Variants in SRP19 observed in about 807,000 individuals in gnomAD.
SRP19 encodes signal recognition particle 19 kDa protein.
SRP19 carries 11 observed loss-of-function variants against 22.4 expected under a neutral mutation model. The ratio of observed to expected loss-of-function variants is 0.49; its 90% CI spans 0.31 to 0.81. The LOEUF is 0.81. Ranked by LOEUF, SRP19 falls within the 40% of genes least tolerant of loss-of-function variation. SRP19 has a pLI of 0.05. For missense variants in SRP19, 168 were observed against 175.9 expected (o/e 0.96, Z 0.25); for synonymous variants, 61 against 57.6 (o/e 1.06, Z -0.27).
intron 4 of SRP19, among the ~76,000 whole-genome samples, chr5:112,865,724 G>T (rs1006094276): frequency 6.6e-6 from 1 of 151,970 alleles, no homozygotes; most frequent in Non-Finnish European, 1.5e-5. Context: ...CTCCCAAGTA[G>T]CTGGGACTAC....
intron 1 of SRP19, 192 bp from the exon 2 acceptor site, chr5:112,862,316 T>G: frequency 1.6e-6 from 1 of 637,400 alleles, no homozygotes; most frequent in Non-Finnish European, 2.8e-6. Flanking sequence ...GCCAGTCTGA[T>G]TAGTTGCTCG....
Position 112,862,490 on chromosome 5 carries a change from T to C in SRP19, c.42-18T>C, listed in dbSNP as rs371808334. The stretch of plus-strand genomic sequence containing the variant: ...CTTACTGCTCTAGTGATACCACTTA[T>C]GCTATTGTCTATGGCAGGTTTATTT... On this transcript the variant is annotated intron_variant, in intron 1 of 4. Transcript: ENST00000505459. 3.0e-5 allele frequency: 49 copies of C among 1,611,110 alleles called. No individual in the cohort carries two copies. The highest frequency in any genetic ancestry group is 3.9e-5 in the Non-Finnish European group (46 of 1,177,396).
At chr5:112,867,020 T>C (rs1440580490) in intron 4 of SRP19, among the ~76,000 whole-genome samples, 1 of 152,162 alleles carries the variant, frequency 6.6e-6, no homozygotes, top group Admixed American at 6.6e-5. Context: ...TGTTTTTTTG[T>C]TGTAAGACTG....
rs537582766 is a variant in SRP19 at position 112,877,171 on chromosome 5, A to G, written c.301+12439A>G. The G allele has an allele frequency of 2.0e-5, 3 of 152,274 alleles. No individual in the cohort carries two copies. The East Asian group carries it at 5.8e-4, about 29-fold the overall frequency. The allele number at this position is 152,274 out of a possible 1,614,324, so 9.4% of individuals were successfully genotyped here. A position where few individuals can be genotyped will look rare whatever the true frequency, so the allele number is the denominator to read the frequency against. ...TAATCACCACTGTTTTCCTCCCCAA[A>G]ATAAATGCTCTGATCCATATTATAT... On this transcript the variant is annotated intron_variant, in intron 4 of 4. Transcript: ENST00000391338.
At chr5:112,872,954 T>G (rs1400867646), downstream of SRP19, among the ~76,000 whole-genome samples, 1 of 152,176 alleles carries the variant, frequency 6.6e-6, no homozygotes, top group Non-Finnish European at 1.5e-5. Context: ...TCATTTTGTT[T>G]AAGGAATTCA....
chr5:112,892,661 A>G (rs1368729139), exon 5 of SRP19: 12 of 1,614,022 alleles, frequency 7.4e-6, no homozygotes, highest in Non-Finnish European at 1.0e-5. Flanking sequence ...AGAAATCCCA[A>G]CAATGAATTC....
intron 4 of SRP19, among the ~76,000 whole-genome samples, chr5:112,866,846 C>T (rs1767621866): frequency 6.6e-6 from 1 of 152,146 alleles, no homozygotes; most frequent in African/African-American, 2.4e-5. Flanking sequence ...CATGTCACTT[C>T]CTATTTCCAG....
chr5:112,881,979 T>A (rs1463757835), intron 4 of SRP19: 1 of 151,748 alleles, frequency 6.6e-6, no homozygotes, highest in East Asian at 1.9e-4. Context: ...ACCATGTTAC[T>A]CAGGCTGGTC....
downstream of SRP19, among the ~76,000 whole-genome samples, chr5:112,872,808 T>C (rs546972915): frequency 1.3e-5 from 2 of 152,308 alleles, no homozygotes; most frequent in African/African-American, 4.8e-5. Flanking sequence ...GTTACTGCTT[T>C]GTTTTGTATA....
chr5:112,865,364 T>C (rs1474666653), intron 4 of SRP19: 3 of 152,182 alleles, frequency 2.0e-5, no homozygotes, highest in African/African-American at 7.2e-5. Flanking sequence ...TCTAGTGTTT[T>C]ATTTTATGAA....
chr5:112,887,768 T>C (rs1198891633), intron 4 of SRP19, among the ~76,000 whole-genome samples: 1 of 152,220 alleles, frequency 6.6e-6, no homozygotes, highest in South Asian at 2.1e-4. Flanking sequence ...ACTCCTTCTT[T>C]ACAGCTCTAC....
intron 4 of SRP19, chr5:112,876,804 C>G (rs908894318): frequency 1.3e-5 from 2 of 151,970 alleles, no homozygotes; most frequent in African/African-American, 2.4e-5. Context: ...CAACAGTTAA[C>G]TTAAATTTTG....
chr5:112,893,504 T>A (rs778945470), downstream of SRP19: 22 of 155,952 alleles, frequency 1.4e-4, no homozygotes, highest in Non-Finnish European at 2.8e-4. Context: ...ATCTCCATGT[T>A]ATGATTTTAA....
Position 112,866,893 on chromosome 5 carries a change from T to A in SRP19, c.302-511T>A, listed in dbSNP as rs974498987. ...TAAGATAGTAAAAAGAAAGCAGAGC[T>A]GAGGAACTTGGTCTGTTGGGGGTGA... is the stretch of plus-strand genomic sequence containing the variant. On this transcript the variant is annotated intron_variant, in intron 4 of 4. Transcript: ENST00000505459. Among the ~76,000 whole-genome samples, 12 of 152,188 alleles carry A rather than the reference T, an allele frequency of 7.9e-5. 1 individual carries two copies. The highest frequency in any genetic ancestry group is 7.9e-4 in the Admixed American group (12 of 15,282).
Position 112,867,953 on chromosome 5 carries a change from A to G in SRP19, c.*416A>G. The G allele has an allele frequency of 1.0e-6, 1 of 987,484 alleles. No individual in the cohort carries two copies. The highest frequency in any genetic ancestry group is 1.2e-6 in the Non-Finnish European group (1 of 831,028). 61.2% of individuals were successfully genotyped at this position (987,484 alleles called of 1,614,324 possible). A position where few individuals can be genotyped will look rare whatever the true frequency, so the allele number is the denominator to read the frequency against. The stretch of plus-strand genomic sequence containing the variant: ...ATACTAATGCTAGGAGAGGAGGGAT[A>G]ATTAAGAATAAAATATGTAGTGAAA... On this transcript the variant is annotated 3_prime_UTR_variant, in exon 5 of 5. Coordinates refer to ENST00000505459, the MANE Select transcript of SRP19 (RefSeq NM_003135.3).
intron 4 of SRP19, among the ~76,000 whole-genome samples, chr5:112,875,484 G>C (rs1767873725): frequency 6.6e-6 from 1 of 151,482 alleles, no homozygotes; most frequent in African/African-American, 2.4e-5. Flanking sequence ...TCCCACCTCA[G>C]CCTCCTGAGG....
exon 5 of SRP19, chr5:112,892,685 G>C (rs1561651313): frequency 1.9e-6 from 3 of 1,614,052 alleles, no homozygotes; most frequent in Admixed American, 3.3e-5. Flanking sequence ...GAAGCTAATA[G>C]AGACATCTAC....
rs1304934352 is a variant in SRP19, at chr5:112,867,911, T to C, written c.*374T>C. The stretch of plus-strand genomic sequence containing the variant: ...ATGAAATAAAATTTGAAACTGACTT[T>C]TGCAGCTTTTGCTTATATACTAATG... On this transcript the variant is annotated 3_prime_UTR_variant, in exon 5 of 5. Coordinates refer to ENST00000505459, the MANE Select transcript of SRP19 (RefSeq NM_003135.3). The C allele has an allele frequency of 1.0e-5, 10 of 989,970 alleles. No homozygotes were observed. Among genetic ancestry groups the C allele is most frequent in the Non-Finnish European group, 1.2e-5 (10 of 832,258 alleles). 61.3% of individuals were successfully genotyped at this position (989,970 alleles called of 1,614,324 possible). A position where few individuals can be genotyped will look rare whatever the true frequency, so the allele number is the denominator to read the frequency against.
At chr5:112,870,668 G>A (rs138510315), downstream of SRP19, among the ~76,000 whole-genome samples, 1 of 152,284 alleles carries the variant, frequency 6.6e-6, no homozygotes, top group East Asian at 1.9e-4. Flanking sequence ...GGAGGTGATT[G>A]GGCCATGGGG....
Sources: gnomAD v4.1 joint callset for allele counts (sites outside exome capture counted in the v4.1 genomes callset) on GRCh38, gnomAD v4.1.1 for gene constraint, MANE v1.5 for transcripts, NCBI Gene and HGNC (gene_info 2026-07-23, HGNC 2026-07-21) for gene names.